Variants in EPB41L4A observed in about 807,000 individuals in gnomAD.
EPB41L4A encodes erythrocyte membrane protein band 4.1 like 4A.
EPB41L4A carries 100 observed loss-of-function variants against 108.6 expected under a neutral mutation model. That is an observed-to-expected ratio of 0.92 (90% confidence interval 0.78 to 1.09). The LOEUF is 1.09. EPB41L4A is among the 50% of genes least tolerant of loss of function. EPB41L4A has a pLI of 0.00. For synonymous variants in EPB41L4A, 319 were observed against 289.0 expected (o/e 1.10, Z -1.05); for missense variants, 1,030 against 842.7 (o/e 1.22, Z -2.75).
chr5:112,215,684 T>A (rs909766158), intron 12 of EPB41L4A, among the ~76,000 whole-genome samples: 11 of 136,292 alleles, frequency 8.1e-5, no homozygotes, highest in South Asian at 7.1e-4. Context: ...AATGGCGTGA[T>A]CCCGGAAGGT....
At chr5:112,261,396 CAATT>C (rs1323123015) in intron 7 of EPB41L4A, among the ~76,000 whole-genome samples, 1 of 151,946 alleles carries the variant, frequency 6.6e-6, no homozygotes, top group Non-Finnish European at 1.5e-5. Context: ...TTCCATAATC[CAATT>C]GATTAAAAAA....
intron 1 of EPB41L4A, among the ~76,000 whole-genome samples, chr5:112,408,574 T>C (rs1211914904): frequency 2.0e-5 from 3 of 149,312 alleles, no homozygotes; most frequent in Non-Finnish European, 4.4e-5. Flanking sequence ...AAATGACCAA[T>C]ACGGCCAGGT....
chr5:112,347,595 C>T (rs1401528103), intron 1 of EPB41L4A, among the ~76,000 whole-genome samples: 1 of 152,178 alleles, frequency 6.6e-6, no homozygotes. Context: ...TTTAGATGTT[C>T]ATGCAGCTTT....
At chr5:112,161,259 G>T (rs1427437918), downstream of EPB41L4A, 1 of 307,522 alleles carries the variant, frequency 3.3e-6, no homozygotes, top group Non-Finnish European at 6.5e-6. Flanking sequence ...CTGTTTCCAC[G>T]TGCGGTGCTC....
At chr5:112,184,172 C>G (rs1761310260) in intron 17 of EPB41L4A, 37 bp from the exon 18 acceptor site, 1 of 1,608,538 alleles carries the variant, frequency 6.2e-7, no homozygotes, top group Non-Finnish European at 8.5e-7. Flanking sequence ...TTAACATCTA[C>G]ATGGATGGCG....
chr5:112,294,823 G>A (rs537334319), intron 2 of EPB41L4A, among the ~76,000 whole-genome samples: 6 of 152,252 alleles, frequency 3.9e-5, no homozygotes, highest in South Asian at 4.1e-4. Context: ...CAAGGGCCAC[G>A]TATCTTAAAG....
intron 2 of EPB41L4A, among the ~76,000 whole-genome samples, chr5:112,285,872 T>C (rs1467462252): frequency 6.6e-6 from 1 of 152,104 alleles, no homozygotes; most frequent in Non-Finnish European, 1.5e-5. Flanking sequence ...TCTTAATAAC[T>C]CTAGGAAGAA....
chr5:112,189,026 A>C (rs1456191794), intron 17 of EPB41L4A, among the ~76,000 whole-genome samples: 1 of 152,076 alleles, frequency 6.6e-6, no homozygotes, highest in Non-Finnish European at 1.5e-5. Flanking sequence ...GAACATAATT[A>C]AAATATTTAA....
At chr5:112,262,198 T>C (rs930508215) in intron 7 of EPB41L4A, among the ~76,000 whole-genome samples, 2 of 152,184 alleles carry the variant, frequency 1.3e-5, no homozygotes, top group Non-Finnish European at 2.9e-5. Context: ...GCCTGGCCTA[T>C]ACATCAATTT....
At chr5:112,166,049 GA>G (rs1191045173) in intron 22 of EPB41L4A, among the ~76,000 whole-genome samples, 1 of 152,132 alleles carries the variant, frequency 6.6e-6, no homozygotes, top group Non-Finnish European at 1.5e-5. Context: ...AGAATTACCA[GA>G]AAAAAAGTGC....
intron 15 of EPB41L4A, among the ~76,000 whole-genome samples, 188 bp from the exon 16 acceptor site, chr5:112,195,896 C>T (rs1435799681): frequency 6.6e-6 from 1 of 152,108 alleles, no homozygotes. Context: ...ATGTTAATAA[C>T]ATCACCTGGC....
chr5:112,264,871 T>A lies in EPB41L4A; in HGVS notation c.554+25A>T, dbSNP rs1326542729. ...AGATGATGACTGATGGATGATGCAA[T>A]AAGACATGGTGTAATGATTCTTACA... On this transcript the variant is annotated intron_variant, in intron 6 of 22. Transcript: ENST00000261486. 5.6e-6 allele frequency: 9 copies of A among 1,598,862 alleles called. No homozygotes were observed. In the South Asian group the frequency reaches 1.0e-4, roughly 18 times the overall value.
At chr5:112,292,999 G>T (rs979888465) in intron 2 of EPB41L4A, among the ~76,000 whole-genome samples, 2 of 151,934 alleles carry the variant, frequency 1.3e-5, no homozygotes, top group East Asian at 3.9e-4. Flanking sequence ...TAACTAAGAA[G>T]GTATGGGTCA....
intron 1 of EPB41L4A, among the ~76,000 whole-genome samples, chr5:112,364,305 C>A (rs532545523): frequency 6.6e-6 from 1 of 152,174 alleles, no homozygotes; most frequent in African/African-American, 2.4e-5. Context: ...GGATTATAGA[C>A]GTGAACCACC....
At chr5:112,315,911 C>T (rs1292106104) in intron 1 of EPB41L4A, among the ~76,000 whole-genome samples, 1 of 152,112 alleles carries the variant, frequency 6.6e-6, no homozygotes, top group Admixed American at 6.5e-5. Context: ...AAAACTTCAT[C>T]TCAATGTAAC....
At chr5:112,160,278 G>A (rs1282092833), downstream of EPB41L4A, among the ~76,000 whole-genome samples, 2 of 151,964 alleles carry the variant, frequency 1.3e-5, no homozygotes, top group Non-Finnish European at 2.9e-5. Flanking sequence ...TGTTTCCATC[G>A]GACAGCGCTA....
At chr5:112,159,848 T>C (rs948432401), downstream of EPB41L4A, among the ~76,000 whole-genome samples, 4 of 152,084 alleles carry the variant, frequency 2.6e-5, no homozygotes, top group Non-Finnish European at 4.4e-5. Context: ...CCTGTTGAAA[T>C]ATTTAAAATA....
intron 18 of EPB41L4A, among the ~76,000 whole-genome samples, chr5:112,179,422 A>G (rs956316076): frequency 6.6e-6 from 1 of 152,174 alleles, no homozygotes; most frequent in Non-Finnish European, 1.5e-5. Context: ...ACAAAGAAAA[A>G]AATCTTAACA....
chr5:112,307,072 A>T lies in EPB41L4A; in HGVS notation c.204+314T>A, dbSNP rs558071688. On this transcript the variant is annotated intron_variant, in intron 2 of 22. Coordinates refer to ENST00000261486, the MANE Select transcript of EPB41L4A (RefSeq NM_022140.5). ...ACTAGCCACTTGCCTTCTAACACATATTAAACGACATATTCAGTCCTCCAT... is the reference window on the plus strand; with the variant it reads ...ACTAGCCACTTGCCTTCTAACACATTTTAAACGACATATTCAGTCCTCCAT... Among the ~76,000 whole-genome samples, 3 of 152,152 alleles carry T rather than the reference A, an allele frequency of 2.0e-5. No homozygotes were observed. In the South Asian group the frequency reaches 6.2e-4, roughly 32 times the overall value.
Sources: allele counts gnomAD v4.1 joint callset (sites outside exome capture counted in the v4.1 genomes callset), GRCh38; gene constraint gnomAD v4.1.1; transcripts MANE v1.5; gene names NCBI Gene and HGNC (gene_info 2026-07-23, HGNC 2026-07-21).